Variants in TMIGD3 observed in about 807,000 individuals in gnomAD.
The protein encoded by TMIGD3 is transmembrane and immunoglobulin domain containing 3, also known as AD026 protein (AD026).
TMIGD3 carries 21 observed loss-of-function variants against 28.1 expected under a neutral mutation model. That is an observed-to-expected ratio of 0.75 (90% CI 0.53 to 1.08). The LOEUF is 1.08. Among genes scored for constraint, TMIGD3 ranks in the 50% least tolerant of loss-of-function variants. The probability of loss-of-function intolerance (pLI) is 0.00; values close to 1 mark genes in which losing one functional copy is unlikely to be tolerated. For missense variants in TMIGD3, 416 were observed against 435.6 expected, an observed-to-expected ratio of 0.96 and a Z score of 0.40; for synonymous variants, 151 against 162.1, an observed-to-expected ratio of 0.93 and a Z score of 0.52.
intron 1 of TMIGD3, among the ~76,000 whole-genome samples, chr1:111,495,889 TA>T (rs1654865629): frequency 6.6e-6 from 1 of 152,190 alleles, no homozygotes; most frequent in Non-Finnish European, 1.5e-5. Context: ...TTATCCTTAG[TA>T]AACTAATGCA....
intron 1 of TMIGD3, among the ~76,000 whole-genome samples, chr1:111,491,453 T>C (rs572554314): frequency 6.6e-6 from 1 of 152,344 alleles, no homozygotes; most frequent in South Asian, 2.1e-4. Context: ...AATTATTGAA[T>C]CACCTCTCAG....
chr1:111,552,953 A>G (rs1323857165), intron 1 of TMIGD3, among the ~76,000 whole-genome samples: 1 of 152,238 alleles, frequency 6.6e-6, no homozygotes, highest in Non-Finnish European at 1.5e-5. Context: ...ATTTATTAAG[A>G]TTATATACTC....
intron 4 of TMIGD3, 41 bp downstream of exon 4, chr1:111,486,545 C>G: frequency 6.6e-7 from 1 of 1,505,310 alleles, no homozygotes; most frequent in East Asian, 2.3e-5. Flanking sequence ...ACCTCCACCC[C>G]ACCGCCCCAA....
chr1:111,518,516 C>A lies in TMIGD3; in HGVS notation c.108-27754G>T, dbSNP rs777888716. ...GTCTCCAGACATTACTAAATGGTCCCTGGGAGAATTTGGAGGATGAGAATC... is the reference window on the plus strand; with the variant it reads ...GTCTCCAGACATTACTAAATGGTCCATGGGAGAATTTGGAGGATGAGAATC... On this transcript the variant is annotated intron_variant, in intron 1 of 5. Coordinates refer to the TMIGD3 transcript ENST00000369717. Among the ~76,000 whole-genome samples, 12 of 152,300 alleles carry A rather than the reference C, an allele frequency of 7.9e-5. 1 individual carries two copies. The highest frequency in any genetic ancestry group is 1.2e-4 in the Non-Finnish European group (8 of 68,024).
intron 2 of TMIGD3, 72 bp downstream of exon 2, chr1:111,490,584 G>A: frequency 8.8e-7 from 1 of 1,137,240 alleles, no homozygotes; most frequent in South Asian, 1.3e-5. Context: ...CCAAGTAGGT[G>A]AGGACTTCAG....
chr1:111,501,590 AT>A (rs1655179477), intron 1 of TMIGD3, among the ~76,000 whole-genome samples: 1 of 152,232 alleles, frequency 6.6e-6, no homozygotes, highest in African/African-American at 2.4e-5. Context: ...GGATAGTGCA[AT>A]TATCCCCATT....
intron 4 of TMIGD3, among the ~76,000 whole-genome samples, chr1:111,486,142 G>A (rs546868501): frequency 1.3e-5 from 2 of 152,176 alleles, no homozygotes; most frequent in East Asian, 3.9e-4. Context: ...ATAAACTTAG[G>A]AACCATAAAT....
intron 1 of TMIGD3, among the ~76,000 whole-genome samples, chr1:111,535,067 C>G (rs1656593304): frequency 6.6e-6 from 1 of 152,182 alleles, no homozygotes; most frequent in South Asian, 2.1e-4. Flanking sequence ...TTCATGACAA[C>G]CTATTTGTGC....
chr1:111,506,223 G>A (rs893732674), upstream of TMIGD3, among the ~76,000 whole-genome samples: 5 of 152,090 alleles, frequency 3.3e-5, no homozygotes, highest in Admixed American at 6.5e-5. Flanking sequence ...TGCATTTCTC[G>A]CCCCTACTAT....
At chr1:111,522,390 C>T (rs753643753) in intron 1 of TMIGD3, among the ~76,000 whole-genome samples, 21 of 152,202 alleles carry the variant, frequency 1.4e-4, no homozygotes, top group African/African-American at 4.6e-4. Flanking sequence ...TTACAATCTA[C>T]GAACACACAC....
chr1:111,485,892 A>T (rs1030378616), intron 4 of TMIGD3, 52 bp from the exon 5 acceptor site: 1 of 1,423,248 alleles, frequency 7.0e-7, no homozygotes, highest in African/African-American at 1.4e-5. Context: ...CTGCCTATTG[A>T]TTCTCAGCTC....
At position 111,502,411 on chromosome 1, in the gene TMIGD3, A is replaced by AAT. The variant is rs1184655881; in HGVS notation, c.350+593_350+594insAT. Among the ~76,000 whole-genome samples, 936 of 133,450 alleles carry AAT rather than the reference A, an allele frequency of 7.0e-3. 345 individuals carry two copies. Among genetic ancestry groups the AAT allele is most frequent in the East Asian group, 0.031 (148 of 4,734 alleles). 87.5% of individuals were successfully genotyped at this position (133,450 alleles called of 152,430 possible). On this transcript the variant is annotated intron_variant, in intron 1 of 5. Coordinates refer to ENST00000369716, the MANE Select transcript of TMIGD3 (RefSeq NM_020683.7). ...TATATAGGATACATATATTTATTAT[A>AAT]GTGAATATATATAGGATACATATAT...
chr1:111,490,139 A>G (rs1384342912), intron 2 of TMIGD3, among the ~76,000 whole-genome samples: 1 of 152,164 alleles, frequency 6.6e-6, no homozygotes, highest in East Asian at 1.9e-4. Context: ...CAGAGCTGGG[A>G]AAAGGCCAGT....
chr1:111,497,971 G>T (rs1045013417), intron 1 of TMIGD3, among the ~76,000 whole-genome samples: 1 of 152,152 alleles, frequency 6.6e-6, no homozygotes, highest in Non-Finnish European at 1.5e-5. Context: ...GGCAAAAGTT[G>T]TTCCAAGGTG....
intron 1 of TMIGD3, among the ~76,000 whole-genome samples, chr1:111,525,134 G>A (rs1250474789): frequency 2.0e-5 from 3 of 152,136 alleles, no homozygotes; most frequent in Admixed American, 2.0e-4. Flanking sequence ...AAAAAGATAT[G>A]TATTCTACTG....
chr1:111,495,940 T>C (rs879327089), intron 1 of TMIGD3, among the ~76,000 whole-genome samples: 3 of 151,908 alleles, frequency 2.0e-5, no homozygotes, highest in Admixed American at 6.6e-5. Context: ...CCCTTATAAG[T>C]GAGAGCTAAA....
At chr1:111,521,320 G>C (rs1282926674) in intron 1 of TMIGD3, among the ~76,000 whole-genome samples, 1 of 152,154 alleles carries the variant, frequency 6.6e-6, no homozygotes, top group Non-Finnish European at 1.5e-5. Context: ...GGATCATACA[G>C]TGGATGCATT....
At chr1:111,488,503 C>T (rs908890803) in intron 3 of TMIGD3, among the ~76,000 whole-genome samples, 174 bp downstream of exon 3, 1 of 152,170 alleles carries the variant, frequency 6.6e-6, no homozygotes, top group African/African-American at 2.4e-5. Context: ...CAGCTATTCC[C>T]CAGCACTGTT....
intron 1 of TMIGD3, among the ~76,000 whole-genome samples, chr1:111,513,926 G>A (rs2100996869): frequency 6.6e-6 from 1 of 152,338 alleles, no homozygotes; most frequent in South Asian, 2.1e-4. Flanking sequence ...TAGTTGGGGT[G>A]CGGTTGCATG....
Sources: allele counts gnomAD v4.1 joint callset (sites outside exome capture counted in the v4.1 genomes callset), GRCh38; gene constraint gnomAD v4.1.1; transcripts MANE v1.5; gene names NCBI Gene and HGNC (gene_info 2026-07-23, HGNC 2026-07-21).